Variants in WWOX observed in about 807,000 individuals in gnomAD.
The protein encoded by WWOX is WW domain-containing oxidoreductase.
WWOX carries 69 observed loss-of-function variants against 46.2 expected under a neutral mutation model. That is an observed-to-expected ratio of 1.49 (90% CI 1.23 to 1.82). The LOEUF (loss-of-function observed/expected upper bound fraction) is 1.82, where lower values mean the gene tolerates loss of function less well. WWOX is among the 40% of genes most tolerant of loss of function. WWOX has a pLI of 0.00. For missense variants in WWOX, 919 were observed against 542.6 expected, an observed-to-expected ratio of 1.69 and a Z score of -6.89; for synonymous variants, 359 against 202.6, an observed-to-expected ratio of 1.77 and a Z score of -6.56.
At chr16:78,897,090 A>C (rs1275426927) in intron 8 of WWOX, 1 of 151,272 alleles carries the variant, frequency 6.6e-6, no homozygotes, top group Non-Finnish European at 1.5e-5. Context: ...AAGAAAAAAA[A>C]AAAGAAAAAA....
In WWOX at chr16:78,803,950, G is replaced by A. The variant is rs751677102; in HGVS notation, c.1056+371198G>A. Among the ~76,000 whole-genome samples the A allele has an allele frequency of 7.9e-5, 12 of 152,130 alleles. 1 individual carries two copies. The highest frequency in any genetic ancestry group is 6.6e-5 in the Admixed American group (1 of 15,260). On this transcript the variant is annotated intron_variant, in intron 8 of 8. Transcript: ENST00000566780. The stretch of plus-strand genomic sequence containing the variant: ...GGGAGGTGGCCTGGTGGTACTTCAT[G>A]ATCTTGGAAGAAGGAAGGCGCCCCT...
chr16:78,402,622 C>A (rs2082439933), intron 6 of WWOX, among the ~76,000 whole-genome samples: 1 of 152,114 alleles, frequency 6.6e-6, no homozygotes. Flanking sequence ...GGTATTGGTA[C>A]AATCAGTCAG....
chr16:78,992,881 A>C (rs2046915902), intron 8 of WWOX, among the ~76,000 whole-genome samples: 1 of 152,082 alleles, frequency 6.6e-6, no homozygotes, highest in Non-Finnish European at 1.5e-5. Flanking sequence ...AACGACCCGC[A>C]AATTTCCAAT....
intron 8 of WWOX, among the ~76,000 whole-genome samples, chr16:78,922,076 CAG>C (rs1308706632): frequency 2.6e-5 from 4 of 152,146 alleles, no homozygotes; most frequent in Non-Finnish European, 5.9e-5. Context: ...TATTGTCAGA[CAG>C]AGAAACTCAC....
chr16:78,920,433 C>A (rs957213953), intron 8 of WWOX, among the ~76,000 whole-genome samples: 3 of 152,160 alleles, frequency 2.0e-5, no homozygotes, highest in African/African-American at 7.2e-5. Context: ...AAGGTCCCAG[C>A]CACCTATGGT....
chr16:78,880,992 CTT>C (rs71140838), intron 8 of WWOX, among the ~76,000 whole-genome samples: 211 of 113,510 alleles, frequency 1.9e-3, no homozygotes, highest in African/African-American at 4.4e-3. Flanking sequence ...AATTTTTTTT[CTT>C]TTTTTTTTTT....
chr16:79,117,979 T>C (rs1029279405), intron 8 of WWOX, among the ~76,000 whole-genome samples: 2 of 152,254 alleles, frequency 1.3e-5, no homozygotes, highest in African/African-American at 4.8e-5. Flanking sequence ...TTTCTATCAT[T>C]TGTGTGTTCA....
chr16:78,122,987 C>G (rs2033171653), intron 4 of WWOX, among the ~76,000 whole-genome samples: 1 of 152,054 alleles, frequency 6.6e-6, no homozygotes, highest in Non-Finnish European at 1.5e-5. Context: ...CTCTGTTGCC[C>G]TTTGATATAA....
intron 8 of WWOX, among the ~76,000 whole-genome samples, chr16:78,770,807 C>T (rs577673561): frequency 2.6e-5 from 4 of 152,244 alleles, no homozygotes; most frequent in African/African-American, 9.6e-5. Context: ...ACTCTTCTTT[C>T]CTCCCAAGCC....
At position 79,094,820 on chromosome 16, in the gene WWOX, A is replaced by T. The variant is rs1436154007; in HGVS notation, c.1057-116788A>T. Among the ~76,000 whole-genome samples, 5 of 152,162 alleles carry T rather than the reference A, an allele frequency of 3.3e-5. No individual in the cohort carries two copies. In the East Asian group the frequency reaches 9.6e-4, roughly 29 times the overall value. On this transcript the variant is annotated intron_variant, in intron 8 of 8. Coordinates refer to ENST00000566780, the MANE Select transcript of WWOX (RefSeq NM_016373.4). ...AGAAGAGAATGACAGTGTTTCTTTC[A>T]TTAAAAGGAGCCCAATATTTATTGA...
intron 5 of WWOX, among the ~76,000 whole-genome samples, chr16:78,325,113 G>A (rs961872756): frequency 2.6e-5 from 4 of 152,284 alleles, no homozygotes; most frequent in Non-Finnish European, 5.9e-5. Flanking sequence ...TGTTGGTCCC[G>A]TCACAGGGCT....
chr16:79,057,851 T>C, intron 8 of WWOX, among the ~76,000 whole-genome samples: 1 of 152,200 alleles, frequency 6.6e-6, no homozygotes, highest in East Asian at 1.9e-4. Flanking sequence ...ACTCACCTGT[T>C]GTATCATCTG....
intron 8 of WWOX, among the ~76,000 whole-genome samples, chr16:78,557,060 A>C (rs899404650): frequency 6.6e-6 from 1 of 152,138 alleles, no homozygotes; most frequent in African/African-American, 2.4e-5. Context: ...ATAAAAAGAA[A>C]AGGGATTGTC....
At chr16:78,589,789 C>A (rs11648655) in intron 8 of WWOX, among the ~76,000 whole-genome samples, 1 of 152,122 alleles carries the variant, frequency 6.6e-6, no homozygotes, top group African/African-American at 2.4e-5. Flanking sequence ...TCTCTGCTGG[C>A]TTTTTCCCCC....
chr16:78,269,353 G>C (rs971213517), intron 5 of WWOX, among the ~76,000 whole-genome samples: 5 of 152,202 alleles, frequency 3.3e-5, no homozygotes, highest in Admixed American at 6.5e-5. Context: ...GACTCAGAAA[G>C]GGACGCAAAA....
intron 5 of WWOX, among the ~76,000 whole-genome samples, chr16:78,185,506 T>G (rs561054532): frequency 1.3e-5 from 2 of 151,762 alleles, no homozygotes; most frequent in East Asian, 1.9e-4. Flanking sequence ...TTTTTTTAAG[T>G]AAGTTTACAT....
chr16:79,036,747 G>C (rs759858628), intron 8 of WWOX, among the ~76,000 whole-genome samples: 4 of 152,208 alleles, frequency 2.6e-5, no homozygotes, highest in Admixed American at 1.3e-4. Context: ...GGATTGGGAA[G>C]AGTAAACAGG....
At chr16:78,309,076 A>G (rs142660487) in intron 5 of WWOX, among the ~76,000 whole-genome samples, 5 of 152,294 alleles carry the variant, frequency 3.3e-5, no homozygotes, top group Non-Finnish European at 1.5e-5. Flanking sequence ...CTTGTAACCA[A>G]TTACCAATCT....
intron 8 of WWOX, among the ~76,000 whole-genome samples, chr16:78,932,564 C>T (rs1176091357): frequency 4.6e-5 from 7 of 152,192 alleles, no homozygotes; most frequent in Non-Finnish European, 7.3e-5. Context: ...ATGCTGTCCT[C>T]GAAATGTTCC....
Sources: gnomAD v4.1 joint callset for allele counts (sites outside exome capture counted in the v4.1 genomes callset) on GRCh38, gnomAD v4.1.1 for gene constraint, MANE v1.5 for transcripts, NCBI Gene and HGNC (gene_info 2026-07-23, HGNC 2026-07-21) for gene names.